The following FAM227B variants were observed in gnomAD, a reference collection of about 807,000 sequenced individuals.
FAM227B encodes family with sequence similarity 227 member B, also known as protein FAM227B.
Under a neutral mutation model 73.8 loss-of-function variants are expected in FAM227B, and 88 were observed. The observed-to-expected ratio is 1.19, with a 90% confidence interval of 1.00 to 1.42. FAM227B has a LOEUF of 1.42. Ranked by LOEUF, FAM227B falls within the 40% of genes most tolerant of loss-of-function variation. The pLI is 0.00. For missense variants in FAM227B, 632 were observed against 590.9 expected (o/e 1.07, Z -0.72); for synonymous variants, 210 against 190.5 (o/e 1.10, Z -0.84).
chr15:49,527,548 T>C (rs2060294976), intron 10 of FAM227B, among the ~76,000 whole-genome samples: 1 of 151,710 alleles, frequency 6.6e-6, no homozygotes, highest in South Asian at 2.1e-4. Context: ...GACACCCAAA[T>C]TGGAAAAAAG....
At chr15:49,473,589 G>A (rs2054982564) in intron 11 of FAM227B, among the ~76,000 whole-genome samples, 1 of 152,012 alleles carries the variant, frequency 6.6e-6, no homozygotes, top group South Asian at 2.1e-4. Context: ...TTGGTCTCAC[G>A]TTTTGGAGGG....
intron 11 of FAM227B, among the ~76,000 whole-genome samples, chr15:49,410,323 T>C (rs1192770139): frequency 6.6e-6 from 1 of 152,192 alleles, no homozygotes; most frequent in Non-Finnish European, 1.5e-5. Context: ...CAGCTCCCCA[T>C]AGGCCACGTT....
intron 15 of FAM227B, chr15:49,330,689 C>T (rs1352379921): frequency 1.3e-5 from 2 of 150,402 alleles, no homozygotes; most frequent in Non-Finnish European, 2.9e-5. Flanking sequence ...TTTTCCTATT[C>T]TAATTAGGTA....
chr15:49,480,434 A>G (rs376628011), intron 11 of FAM227B, among the ~76,000 whole-genome samples: 112 of 150,616 alleles, frequency 7.4e-4, no homozygotes, highest in Non-Finnish European at 1.4e-3. Flanking sequence ...CAGCCTCTCA[A>G]GTAGCTAGAA....
intron 5 of FAM227B, among the ~76,000 whole-genome samples, chr15:49,577,934 C>T (rs565246044): frequency 2.0e-5 from 3 of 152,268 alleles, no homozygotes; most frequent in East Asian, 1.9e-4. Context: ...CTACTTATTA[C>T]AGTTTGGTTC....
intron 10 of FAM227B, among the ~76,000 whole-genome samples, chr15:49,540,657 C>A (rs1404804706): frequency 6.6e-6 from 1 of 152,186 alleles, no homozygotes; most frequent in African/African-American, 2.4e-5. Context: ...AAAGATCACA[C>A]CTCCAAATAC....
intron 11 of FAM227B, among the ~76,000 whole-genome samples, chr15:49,460,739 T>C (rs1312415258): frequency 5.9e-5 from 9 of 152,186 alleles, no homozygotes; most frequent in Non-Finnish European, 1.3e-4. Flanking sequence ...CTGGCACTTA[T>C]AAAAACTGTG....
intron 11 of FAM227B, among the ~76,000 whole-genome samples, chr15:49,418,045 T>TA (rs2049336557): frequency 1.3e-5 from 2 of 152,156 alleles, no homozygotes; most frequent in East Asian, 3.9e-4. Context: ...TACATGTGTC[T>TA]AAAAAACATA....
chr15:49,576,264 G>A (rs1228719073), intron 7 of FAM227B: 2 of 152,350 alleles, frequency 1.3e-5, no homozygotes, highest in Admixed American at 6.5e-5. Flanking sequence ...TTTAGCCCTC[G>A]TATTCACTGG....
chr15:49,549,814 C>T (rs536517978), intron 9 of FAM227B, among the ~76,000 whole-genome samples: 4 of 152,346 alleles, frequency 2.6e-5, no homozygotes, highest in Non-Finnish European at 4.4e-5. Context: ...CATCATGGCC[C>T]GCTCTCAATG....
intron 13 of FAM227B, chr15:49,366,542 T>C: frequency 1.3e-6 from 2 of 1,562,176 alleles, no homozygotes; most frequent in Non-Finnish European, 8.8e-7. Context: ...AGCTGACCAA[T>C]GGGGGTTATA....
At chr15:49,615,432 G>C (rs2078227621) in intron 1 of FAM227B, among the ~76,000 whole-genome samples, 189 bp from the exon 2 acceptor site, 1 of 152,164 alleles carries the variant, frequency 6.6e-6, no homozygotes. Context: ...GAGGTGATTG[G>C]ATCATGGGGG....
chr15:49,521,316 G>A (rs747105408), intron 10 of FAM227B, among the ~76,000 whole-genome samples: 1 of 152,200 alleles, frequency 6.6e-6, no homozygotes, highest in Non-Finnish European at 1.5e-5. Context: ...AGGAAAAGGG[G>A]CAGTGCAGCC....
chr15:49,590,213 T>A (rs1280234872), intron 3 of FAM227B, among the ~76,000 whole-genome samples: 1 of 152,178 alleles, frequency 6.6e-6, no homozygotes, highest in Non-Finnish European at 1.5e-5. Context: ...TGAGAATAAT[T>A]TGCTTATATG....
At chr15:49,428,386 CAGA>C (rs1276694928) in intron 11 of FAM227B, among the ~76,000 whole-genome samples, 4 of 151,914 alleles carry the variant, frequency 2.6e-5, no homozygotes, top group African/African-American at 9.7e-5. Flanking sequence ...ATTTTCTCTG[CAGA>C]AGAAGAAGAG....
chr15:49,406,945 G>A (rs921408736), intron 11 of FAM227B, among the ~76,000 whole-genome samples: 7 of 152,118 alleles, frequency 4.6e-5, no homozygotes, highest in South Asian at 2.1e-4. Context: ...ACCCGAGGAT[G>A]CCCTGCAAGC....
intron 13 of FAM227B, among the ~76,000 whole-genome samples, chr15:49,339,412 G>T (rs2040320076): frequency 6.6e-6 from 1 of 152,050 alleles, no homozygotes; most frequent in Admixed American, 6.5e-5. Context: ...TCTGCTGTAG[G>T]TCCGCCCCAG....
chr15:49,546,530 C>G (rs2071916812), intron 9 of FAM227B, among the ~76,000 whole-genome samples: 1 of 152,188 alleles, frequency 6.6e-6, no homozygotes, highest in Admixed American at 6.5e-5. Flanking sequence ...TGAGGAATCA[C>G]CACACTGACT....
intron 13 of FAM227B, among the ~76,000 whole-genome samples, chr15:49,357,781 C>CA (rs925412132): frequency 5.9e-5 from 9 of 151,748 alleles, no homozygotes; most frequent in African/African-American, 1.7e-4. Flanking sequence ...AGAGACACAA[C>CA]AAAAAAAGAG....
Sources: gnomAD v4.1 joint callset for allele counts (sites outside exome capture counted in the v4.1 genomes callset) on GRCh38, gnomAD v4.1.1 for gene constraint, MANE v1.5 for transcripts, NCBI Gene and HGNC (gene_info 2026-07-23, HGNC 2026-07-21) for gene names.